Variants in CAMKMT observed in about 807,000 individuals in gnomAD.
The protein encoded by CAMKMT is CaM KMT.
CAMKMT carries 53 observed loss-of-function variants against 48.0 expected under a neutral mutation model. The ratio of observed to expected loss-of-function variants is 1.10; its 90% confidence interval spans 0.89 to 1.39. The LOEUF (loss-of-function observed/expected upper bound fraction) is 1.39, where lower values mean the gene tolerates loss of function less well. Ranked by LOEUF, CAMKMT falls within the 40% of genes most tolerant of loss-of-function variation. The pLI, the probability that CAMKMT is intolerant of heterozygous loss-of-function variation, is 0.00. For synonymous variants in CAMKMT, 165 were observed against 152.3 expected (o/e 1.08, Z -0.61); for missense variants, 428 against 402.7 (o/e 1.06, Z -0.54).
intron 3 of CAMKMT, among the ~76,000 whole-genome samples, chr2:44,566,742 T>C (rs1668638601): frequency 6.6e-6 from 1 of 152,202 alleles, no homozygotes; most frequent in South Asian, 2.1e-4. Flanking sequence ...GCTTGACATT[T>C]ATGAGTGGAT....
intron 3 of CAMKMT, among the ~76,000 whole-genome samples, chr2:44,408,616 G>T (rs1483862025): frequency 6.6e-6 from 1 of 152,080 alleles, no homozygotes; most frequent in Non-Finnish European, 1.5e-5. Flanking sequence ...TTTGAATAAG[G>T]TTAGTATAAC....
chr2:44,570,911 C>A (rs971220182), intron 3 of CAMKMT, among the ~76,000 whole-genome samples: 1 of 152,146 alleles, frequency 6.6e-6, no homozygotes, highest in African/African-American at 2.4e-5. Flanking sequence ...AGACAGTCGA[C>A]TGTATTTTAG....
chr2:44,733,005 A>G (rs998815947), intron 7 of CAMKMT, among the ~76,000 whole-genome samples: 1 of 152,206 alleles, frequency 6.6e-6, no homozygotes, highest in Admixed American at 6.5e-5. Flanking sequence ...ACCTAACTCA[A>G]GGTTACAAAG....
intron 3 of CAMKMT, among the ~76,000 whole-genome samples, chr2:44,458,042 CTTTTTTTTTTTT>C (rs541348745): frequency 9.3e-5 from 7 of 75,396 alleles, no homozygotes; most frequent in Non-Finnish European, 1.5e-4. Flanking sequence ...AGCTTTGTGA[CTTTTTTTTTTTT>C]TTTTTTTTTT....
chr2:44,718,640 C>T (rs540910754), intron 7 of CAMKMT, among the ~76,000 whole-genome samples: 5 of 152,280 alleles, frequency 3.3e-5, no homozygotes, highest in South Asian at 2.1e-4. Context: ...GAGCTTTTGA[C>T]GTCTACGTAT....
rs1466063022 is a variant in CAMKMT at position 44,657,190 on chromosome 2, G to A, written c.377-47093G>A. Among the ~76,000 whole-genome samples, 2 of 152,190 alleles carry A rather than the reference G, an allele frequency of 1.3e-5. No homozygotes were observed. On this transcript the variant is annotated intron_variant, in intron 3 of 10. Coordinates refer to ENST00000378494, the MANE Select transcript of CAMKMT (RefSeq NM_024766.5). This position sits in a 1 kb window ranked among gnomAD's most constrained non-coding sequence, Gnocchi z 4.3. ...AGCCATATGAAGGCCATCCCGTGGA[G>A]AGGTCAGGACCTCTCAGAGTTGAAT...
At chr2:44,541,654 C>T (rs1667112559) in intron 3 of CAMKMT, among the ~76,000 whole-genome samples, 1 of 151,630 alleles carries the variant, frequency 6.6e-6, no homozygotes, top group East Asian at 1.9e-4. Context: ...CCTTGTAGTC[C>T]CAGCTGCTTG....
At chr2:44,553,888 A>G (rs762876219) in intron 3 of CAMKMT, among the ~76,000 whole-genome samples, 3 of 152,232 alleles carry the variant, frequency 2.0e-5, no homozygotes, top group Admixed American at 6.5e-5. Context: ...CCCTCTCATA[A>G]GGTAGCTTTG....
At chr2:44,395,925 A>G (rs903445882) in intron 3 of CAMKMT, among the ~76,000 whole-genome samples, 1 of 152,150 alleles carries the variant, frequency 6.6e-6, no homozygotes, top group Non-Finnish European at 1.5e-5. Flanking sequence ...TATTGCAGAA[A>G]TACACATATA....
intron 3 of CAMKMT, among the ~76,000 whole-genome samples, chr2:44,403,048 G>T (rs1682540034): frequency 6.6e-6 from 1 of 151,224 alleles, no homozygotes; most frequent in Non-Finnish European, 1.5e-5. Flanking sequence ...CTTAAGAGTT[G>T]TGTACTACAA....
At chr2:44,686,524 G>A (rs7597150) in intron 3 of CAMKMT, among the ~76,000 whole-genome samples, 9 of 152,076 alleles carry the variant, frequency 5.9e-5, no homozygotes, top group Non-Finnish European at 1.0e-4. Flanking sequence ...GAAACTGAGC[G>A]AATGCTAGGA....
chr2:44,378,843 C>T (rs1371663673), intron 2 of CAMKMT, among the ~76,000 whole-genome samples: 2 of 152,126 alleles, frequency 1.3e-5, no homozygotes, highest in South Asian at 2.1e-4. Context: ...TGTTCTTCTG[C>T]AGCCTTTTAG....
intron 3 of CAMKMT, among the ~76,000 whole-genome samples, chr2:44,698,111 A>T (rs946192974): frequency 2.6e-5 from 4 of 152,358 alleles, no homozygotes; most frequent in Middle Eastern, 6.8e-3. Flanking sequence ...TAGCAGCTTT[A>T]TTGAGATATA....
intron 8 of CAMKMT, among the ~76,000 whole-genome samples, chr2:44,745,906 G>C (rs771795603): frequency 1.1e-4 from 17 of 152,198 alleles, no homozygotes; most frequent in Non-Finnish European, 1.8e-4. Flanking sequence ...TGTCCTGTTG[G>C]TGTGGTGTTT....
chr2:44,627,426 C>A (rs1384435701), intron 3 of CAMKMT, among the ~76,000 whole-genome samples: 1 of 152,030 alleles, frequency 6.6e-6, no homozygotes, highest in Non-Finnish European at 1.5e-5. Context: ...GTTCTTCCTT[C>A]TTATGTTTTC....
At chr2:44,398,636 T>C (rs184102497) in intron 3 of CAMKMT, among the ~76,000 whole-genome samples, 49 of 151,752 alleles carry the variant, frequency 3.2e-4, no homozygotes, top group African/African-American at 1.1e-3. Flanking sequence ...AGTTATGTTT[T>C]AACATAGCCC....
At chr2:44,377,239 T>C (rs1307574290) in intron 2 of CAMKMT, among the ~76,000 whole-genome samples, 2 of 151,888 alleles carry the variant, frequency 1.3e-5, no homozygotes, top group Non-Finnish European at 2.9e-5. Context: ...ACTGCTGGGG[T>C]CAAGGGATCT....
chr2:44,482,815 A>C (rs1457426008), intron 3 of CAMKMT, among the ~76,000 whole-genome samples: 1 of 151,898 alleles, frequency 6.6e-6, no homozygotes, highest in Non-Finnish European at 1.5e-5. Context: ...TATCATAAAC[A>C]CTCCAGATAT....
chr2:44,700,411 A>G (rs997957404), intron 3 of CAMKMT, among the ~76,000 whole-genome samples: 8 of 152,230 alleles, frequency 5.3e-5, no homozygotes, highest in Non-Finnish European at 7.3e-5. Flanking sequence ...CTTTCAGCCT[A>G]TCTCAGCTTT....
Sources: gnomAD v4.1 joint callset for allele counts (sites outside exome capture counted in the v4.1 genomes callset) on GRCh38, gnomAD v4.1.1 for gene constraint, Gnocchi (gnomAD v3.1) non-coding constraint, MANE v1.5 for transcripts, NCBI Gene and HGNC (gene_info 2026-07-23, HGNC 2026-07-21) for gene names.